POLRMT: variants seen among roughly 807,000 people sequenced by gnomAD.
The protein encoded by POLRMT is DNA-directed RNA polymerase, mitochondrial.
A neutral mutation model predicts 132.2 loss-of-function variants in POLRMT; 114 were observed. The observed-to-expected ratio is 0.86, with a 90% CI of 0.74 to 1.01. The LOEUF is 1.01. Among genes scored for constraint, POLRMT ranks in the 50% least tolerant of loss-of-function variants. POLRMT has a pLI of 0.00. For synonymous variants in POLRMT, 1,020 were observed against 773.4 expected (o/e 1.32, Z -5.29); for missense variants, 2,003 against 1,729.1 (o/e 1.16, Z -2.81).
chr19:623,589 G>T lies in POLRMT; in HGVS notation c.1155C>A (p.Ser385=). ...TCAAGGGCAGGTGCAGCTTCGGGTA[G>T]GACACACGCCCATCCTGCAGGGATG... The part of the protein sequence containing the change: ...RDVYAKDGRV[S]YPKLHLPLKT... Residue 385 remains serine, a synonymous_variant, in exon 6 of 21, where the codon TCC becomes TCA. Coordinates refer to ENST00000588649, the MANE Select transcript of POLRMT (RefSeq NM_005035.4). The T allele has an allele frequency of 1.9e-6, 3 of 1,613,672 alleles. No homozygotes were observed. Among genetic ancestry groups the T allele is most frequent in the Non-Finnish European group, 2.5e-6 (3 of 1,179,986 alleles).
intron 13 of POLRMT, 44 bp from the exon 14 acceptor site, chr19:619,340 C>T (rs780018017): frequency 4.4e-6 from 7 of 1,576,210 alleles, no homozygotes; most frequent in Admixed American, 3.3e-5. Flanking sequence ...GGGGCTGGCC[C>T]GTTCACGCCC....
Position 618,716 on chromosome 19 carries a change from T to G in POLRMT, c.3312A>C (p.Gly1104=). The change falls in exon 16 of 21, where the codon GGA becomes GGC. Residue 1104 remains glycine, a synonymous_variant. Coordinates refer to ENST00000588649, the MANE Select transcript of POLRMT (RefSeq NM_005035.4). ...GGCCCCCCACTCACCGGCTGATGTC[T>G]CCGTTGTGGGTGTAGGTGATGCTCT... The part of the protein sequence containing the change: ...GIQSITYTHN[G]DISRKPNTRK... The G allele has an allele frequency of 6.2e-7, 1 of 1,607,834 alleles. No individual in the cohort carries two copies. The highest frequency in any genetic ancestry group is 8.5e-7 in the Non-Finnish European group (1 of 1,177,470).
chr19:628,959 G>A (rs1190697312), intron 3 of POLRMT, among the ~76,000 whole-genome samples: 1 of 151,998 alleles, frequency 6.6e-6, no homozygotes, highest in Non-Finnish European at 1.5e-5. Flanking sequence ...AGCCGAGATC[G>A]CACCACCGCA....
rs774275677 is a variant in POLRMT, at chr19:622,155, G to T, written c.1845C>A (p.Val615=). 3.2e-6 allele frequency: 5 copies of T among 1,555,232 alleles called. No homozygotes were observed. The highest frequency in any genetic ancestry group is 4.3e-6 in the Non-Finnish European group (5 of 1,153,316). ...GGAGGGCACTGCCTGGCACCTGCTG[G>T]ACGTTGCGGAAGGAATACACGTGGT... ...VLYHVYSFRN[V]QQIGILKPHP... The change falls in exon 9 of 21, where the codon GTC becomes GTA. Residue 615 remains valine, a synonymous_variant. Coordinates refer to ENST00000588649, the MANE Select transcript of POLRMT (RefSeq NM_005035.4).
chr19:622,439 G>A, intron 8 of POLRMT, 66 bp from the exon 9 acceptor site: 36 of 1,472,224 alleles, frequency 2.4e-5, no homozygotes, highest in Non-Finnish European at 3.3e-5. Context: ...CACCGCCCGT[G>A]CCTGACGCCC....
At chr19:630,230 T>A in intron 2 of POLRMT, 62 bp from the exon 3 acceptor site, 1 of 1,512,982 alleles carries the variant, frequency 6.6e-7, no homozygotes, top group Non-Finnish European at 8.8e-7. Context: ...CACCCGTCTC[T>A]CTGGACCCTG....
intron 10 of POLRMT, 108 bp downstream of exon 10, chr19:620,950 G>C (rs1480483806): frequency 1.5e-5 from 6 of 406,460 alleles, no homozygotes; most frequent in Non-Finnish European, 2.2e-5. Context: ...GGGGAGGGGA[G>C]GAGGAAGACG....
chr19:628,418 C>A (rs554671747), intron 3 of POLRMT, among the ~76,000 whole-genome samples: 1 of 152,218 alleles, frequency 6.6e-6, no homozygotes, highest in Non-Finnish European at 1.5e-5. Context: ...CTCCACCTCG[C>A]GGTAAGAGCA....
Position 619,625 on chromosome 19 carries a change from C to G in POLRMT, c.3027G>C (p.Gln1009His). 2.5e-6 allele frequency: 4 copies of G among 1,610,872 alleles called. No homozygotes were observed. Among genetic ancestry groups the G allele is most frequent in the Non-Finnish European group, 3.4e-6 (4 of 1,179,670 alleles). The change falls in exon 13 of 21, where the codon CAG becomes CAC. Residue 1009 changes from glutamine (Q) to histidine (H), a missense_variant. Coordinates refer to ENST00000588649, the MANE Select transcript of POLRMT (RefSeq NM_005035.4). ...YGVTRYGGRLQIEKRLRELSD... is the reference protein window; with the variant it reads ...YGVTRYGGRLHIEKRLRELSD... The stretch of plus-strand genomic sequence containing the variant: ...TCAGCTCCCGGAGGCGCTTCTCAAT[C>G]TGCAGGCGCCCGCCATAGCGCGTGA...
intron 17 of POLRMT, chr19:618,105 C>T (rs1335906308): frequency 1.9e-5 from 11 of 572,180 alleles, no homozygotes; most frequent in Middle Eastern, 4.6e-4. Context: ...GCCTCAGCTC[C>T]GAGGGCGGCT....
intron 2 of POLRMT, among the ~76,000 whole-genome samples, chr19:630,977 G>A (rs1459943970): frequency 1.3e-5 from 2 of 152,010 alleles, no homozygotes; most frequent in Non-Finnish European, 2.9e-5. Context: ...GGCCAACATG[G>A]TGAAACCCCG....
intron 12 of POLRMT, 75 bp from the exon 13 acceptor site, chr19:619,840 C>T (rs1166624245): frequency 6.4e-7 from 1 of 1,553,094 alleles, no homozygotes; most frequent in South Asian, 1.2e-5. Context: ...CCATGAAGCC[C>T]CCGCCCCAGC....
chr19:631,527 T>TA (rs1191588992), intron 2 of POLRMT, among the ~76,000 whole-genome samples: 1 of 151,888 alleles, frequency 6.6e-6, no homozygotes, highest in Admixed American at 6.6e-5. Flanking sequence ...TAGTTCCAGC[T>TA]ACTCGGGAGG....
At chr19:617,515 C>A in intron 19 of POLRMT, 35 bp from the exon 20 acceptor site, 1 of 1,608,000 alleles carries the variant, frequency 6.2e-7, no homozygotes, top group Non-Finnish European at 8.5e-7. Context: ...GAGGCTGAGG[C>A]CAGGTTTTGG....
intron 10 of POLRMT, 37 bp downstream of exon 10, chr19:621,021 G>C (rs546692481): frequency 6.9e-7 from 1 of 1,448,428 alleles, no homozygotes; most frequent in African/African-American, 2.3e-5. Flanking sequence ...GCGCGGGGGT[G>C]CCGGGAGGGC....
chr19:633,200 C>T, intron 1 of POLRMT: 1 of 601,564 alleles, frequency 1.7e-6, no homozygotes, highest in Non-Finnish European at 2.7e-6. Context: ...AACACCACAC[C>T]TGGGGTCAGG....
At position 632,013 on chromosome 19, in the gene POLRMT, T is replaced by C. The variant is rs961208204; in HGVS notation, c.193+821A>G. Among the ~76,000 whole-genome samples the C allele has an allele frequency of 1.1e-4, 17 of 151,702 alleles. 2 individuals are homozygous for C. The South Asian group carries it at 3.7e-3, about 33-fold the overall frequency. On this transcript the variant is annotated intron_variant, in intron 2 of 20. Coordinates refer to ENST00000588649, the MANE Select transcript of POLRMT (RefSeq NM_005035.4). Reference sequence around the variant, plus strand: ...TGGTCTTGAACTCATGACCTCTTGATCCGCCCGCCTCGGCCTCCCAAAGTG... The same window carrying C: ...TGGTCTTGAACTCATGACCTCTTGACCCGCCCGCCTCGGCCTCCCAAAGTG...
At chr19:622,022 G>C in intron 9 of POLRMT, 127 bp downstream of exon 9, 1 of 1,156,558 alleles carries the variant, frequency 8.6e-7, no homozygotes, top group Non-Finnish European at 1.2e-6. Context: ...CCCATGGTGT[G>C]TCCCGAGTCC....
chr19:629,134 CA>C (rs946412355), intron 3 of POLRMT, among the ~76,000 whole-genome samples: 2 of 152,104 alleles, frequency 1.3e-5, no homozygotes, highest in African/African-American at 4.8e-5. Flanking sequence ...AGTGAACACC[CA>C]CATTTCACAC....
Sources: gnomAD v4.1 joint callset for allele counts (sites outside exome capture counted in the v4.1 genomes callset) on GRCh38, gnomAD v4.1.1 for gene constraint, MANE v1.5 for transcripts, NCBI Gene and HGNC (gene_info 2026-07-23, HGNC 2026-07-21) for gene names.